The following TPCN1 variants were observed in gnomAD, a reference collection of about 807,000 sequenced individuals.
The protein encoded by TPCN1 is two pore channel protein 1.
TPCN1 carries 52 observed loss-of-function variants against 108.8 expected under a neutral mutation model. The observed-to-expected ratio is 0.48, with a 90% CI of 0.38 to 0.60. The LOEUF (loss-of-function observed/expected upper bound fraction) is 0.60, where lower values mean the gene tolerates loss of function less well. Ranked by LOEUF, TPCN1 falls within the 20% of genes least tolerant of loss-of-function variation. TPCN1 has a pLI of 0.00. For synonymous variants in TPCN1, 446 were observed against 433.7 expected (o/e 1.03, Z -0.35); for missense variants, 806 against 1,072.8 (o/e 0.75, Z 3.47).
Position 113,268,800 on chromosome 12 carries a change from C to T in TPCN1, c.587C>T (p.Ser196Phe), listed in dbSNP as rs1229090817. The change falls in exon 6 of 28, where the codon TCC (serine) becomes TTC (phenylalanine). Residue 196 changes from serine to phenylalanine, a missense_variant. Physicochemically the swap from Ser to Phe is radical, Grantham distance 155. Coordinates refer to ENST00000335509, the MANE Select transcript of TPCN1 (RefSeq NM_017901.6). The surrounding 1 kb of genome is among the most constrained non-coding windows in gnomAD (Gnocchi z 7.3). ...EAIVVLVRQMSHVRVTRALRC... is the reference protein window; with the variant it reads ...EAIVVLVRQMFHVRVTRALRC... ...ATCGTGGTGTTGGTACGGCAGATGT[C>T]CCATGTGCGGGTGACCCGAGCACTG... 6.2e-7 allele frequency: 1 copy of T among 1,614,104 alleles called. No individual in the cohort carries two copies. Among genetic ancestry groups the T allele is most frequent in the Non-Finnish European group, 8.5e-7 (1 of 1,180,010 alleles).
In TPCN1 at chr12:113,288,359, G is replaced by C; in HGVS notation, c.1706+125G>C. 2.0e-6 allele frequency: 3 copies of C among 1,519,146 alleles called. No homozygotes were observed. The highest frequency in any genetic ancestry group is 1.2e-5 in the South Asian group (1 of 82,036). The allele number at this position is 1,519,146 out of a possible 1,614,324, so 94.1% of individuals were successfully genotyped here. On this transcript the variant is annotated intron_variant, in intron 20 of 27. Transcript: ENST00000335509. The surrounding 1 kb of genome is among the most constrained non-coding windows in gnomAD (Gnocchi z 4.8). ...AAAGGACTGCAATCGAGGGCCTGACGGGGCTCCAAGGAGCCTGGAATCTTG... is the reference window on the plus strand; with the variant it reads ...AAAGGACTGCAATCGAGGGCCTGACCGGGCTCCAAGGAGCCTGGAATCTTG...
chr12:113,290,936 T>C lies in TPCN1; in HGVS notation c.1913-16T>C. The C allele has an allele frequency of 6.2e-7, 1 of 1,613,618 alleles. No individual in the cohort carries two copies. The highest frequency in any genetic ancestry group is 2.2e-5 in the East Asian group (1 of 44,880). On this transcript the variant is annotated splice_polypyrimidine_tract_variant and intron_variant, in intron 22 of 27. Coordinates refer to ENST00000335509, the MANE Select transcript of TPCN1 (RefSeq NM_017901.6). ...GGGGTCTCATCAGGATGCTTCTTTCTCTCTTCCCTCGGCAGTGACCCTGTT... is the reference window on the plus strand; with the variant it reads ...GGGGTCTCATCAGGATGCTTCTTTCCCTCTTCCCTCGGCAGTGACCCTGTT...
chr12:113,288,341 T>C lies in TPCN1; in HGVS notation c.1706+107T>C, dbSNP rs753415181. 1.9e-6 allele frequency: 3 copies of C among 1,554,536 alleles called. No individual in the cohort carries two copies. The African/African-American group carries it at 4.1e-5, about 21-fold the overall frequency. On this transcript the variant is annotated intron_variant, in intron 20 of 27. Coordinates refer to ENST00000335509, the MANE Select transcript of TPCN1 (RefSeq NM_017901.6). This position sits in a 1 kb window ranked among gnomAD's most constrained non-coding sequence, Gnocchi z 4.8. ...GGGGGAAAGGAGTTCCACAAAGGAC[T>C]GCAATCGAGGGCCTGACGGGGCTCC...
In TPCN1 at chr12:113,284,935, T is replaced by C. The variant is rs1956015589; in HGVS notation, c.1453+164T>C. Among the ~76,000 whole-genome samples, 1 of 152,232 alleles carries C rather than the reference T, an allele frequency of 6.6e-6. No individual in the cohort carries two copies. The highest frequency in any genetic ancestry group is 2.4e-5 in the African/African-American group (1 of 41,460). ...GTCCCCGTTTAAAACTCTTTCGTGG[T>C]TGTCCGCTGCCCTCTGGATGGAGCC... is the stretch of plus-strand genomic sequence containing the variant. On this transcript the variant is annotated intron_variant, in intron 17 of 27. Transcript: ENST00000335509. The surrounding 1 kb of genome is among the most constrained non-coding windows in gnomAD (Gnocchi z 4.1).
In TPCN1 at chr12:113,276,565, C is replaced by A. The variant is rs191582866; in HGVS notation, c.943-354C>A. Among the ~76,000 whole-genome samples the A allele has an allele frequency of 2.2e-3, 339 of 152,288 alleles. 4 individuals are homozygous for A. The highest frequency in any genetic ancestry group is 0.016 in the Admixed American group (242 of 15,294). ...GGACTGGGCTCAGAATCCAGATGCG[C>A]CCCTCTTGCTACTCTCTCCTCCCCT... On this transcript the variant is annotated intron_variant, in intron 10 of 27. Coordinates refer to ENST00000335509, the MANE Select transcript of TPCN1 (RefSeq NM_017901.6).
chr12:113,261,083 T>C (rs1955013034), intron 3 of TPCN1, among the ~76,000 whole-genome samples: 1 of 151,946 alleles, frequency 6.6e-6, no homozygotes, highest in African/African-American at 2.4e-5. Flanking sequence ...TCCCAGCTAC[T>C]CGGGAGGCTG....
chr12:113,278,929 G>C, intron 14 of TPCN1, 94 bp downstream of exon 14: 2 of 1,078,724 alleles, frequency 1.9e-6, no homozygotes, highest in Admixed American at 3.6e-5. Flanking sequence ...GGTTCAGAGG[G>C]GTGTGTGTGT....
At position 113,231,356 on chromosome 12, in the gene TPCN1, C is replaced by T. The variant is rs1476147913; in HGVS notation, c.112+4392C>T. 6.6e-6 allele frequency among the ~76,000 whole-genome samples: 1 copy of T among 152,224 alleles called. No individual in the cohort carries two copies. Among genetic ancestry groups the T allele is most frequent in the Admixed American group, 6.5e-5 (1 of 15,286 alleles). On this transcript the variant is annotated intron_variant, in intron 2 of 27. Coordinates refer to ENST00000335509, the MANE Select transcript of TPCN1 (RefSeq NM_017901.6). The surrounding 1 kb of genome is among the most constrained non-coding windows in gnomAD (Gnocchi z 4.3). ...TGGCTCGCAAATGGTTATCTTCTTG[C>T]TGTGTCCCCACATGATTGTCCCTGA...
At chr12:113,293,453 G>A in intron 27 of TPCN1, 104 bp downstream of exon 27, 3 of 1,092,322 alleles carry the variant, frequency 2.7e-6, no homozygotes, top group Non-Finnish European at 4.2e-6. Context: ...AAGGCTGGTA[G>A]AGAGATGCAG....
intron 14 of TPCN1, 34 bp downstream of exon 14, chr12:113,278,869 C>G (rs1265618037): frequency 6.2e-7 from 1 of 1,605,834 alleles, no homozygotes; most frequent in East Asian, 2.2e-5. Flanking sequence ...GTGTTGGCAG[C>G]TGGGGGCCGA....
chr12:113,235,518 A>G (rs913306216), intron 2 of TPCN1, among the ~76,000 whole-genome samples: 6 of 152,172 alleles, frequency 3.9e-5, no homozygotes, highest in Non-Finnish European at 7.4e-5. Context: ...AAAAAAAAAA[A>G]AAAGAAAAAA....
At position 113,290,350 on chromosome 12, in the gene TPCN1, T is replaced by C. The variant is rs972057523; in HGVS notation, c.1912+107T>C. On this transcript the variant is annotated intron_variant, in intron 22 of 27. Coordinates refer to ENST00000335509, the MANE Select transcript of TPCN1 (RefSeq NM_017901.6). ...TGTAGCAAGTGTCTGGGCCACACTT[T>C]CTGGAAGCCTCCCTGGCCCAGGTGG... 3.8e-6 allele frequency: 3 copies of C among 785,092 alleles called. No individual in the cohort carries two copies. In the African/African-American group the frequency reaches 5.1e-5, roughly 13 times the overall value. 48.6% of individuals were successfully genotyped at this position (785,092 alleles called of 1,614,324 possible).
At position 113,277,287 on chromosome 12, in the gene TPCN1, C is replaced by T. The variant is rs200616879; in HGVS notation, c.1107C>T (p.Phe369=). ...SYRQFEGLMR[F]YKPRMSARER... is the part of the protein sequence containing the mutation. ...GGCAGTTTGAAGGCCTCATGCGCTT[C>T]TACAAGCCCCGGATGAGTGCCAGGG... The change falls in exon 12 of 28, where the codon TTC becomes TTT. Residue 369 remains phenylalanine, a synonymous_variant. Transcript: ENST00000335509. 75 of 1,614,162 alleles carry T rather than the reference C, an allele frequency of 4.6e-5. 1 individual carries two copies. In the Admixed American group the frequency reaches 1.2e-3, roughly 27 times the overall value.
intron 2 of TPCN1, among the ~76,000 whole-genome samples, chr12:113,242,862 G>A (rs977338976): frequency 3.9e-5 from 6 of 152,088 alleles, no homozygotes; most frequent in Admixed American, 1.3e-4. Flanking sequence ...CAGCCCCCAC[G>A]GAGGGCCCTT....
intron 2 of TPCN1, among the ~76,000 whole-genome samples, chr12:113,227,523 C>G (rs189967180): frequency 3.3e-5 from 5 of 152,238 alleles, no homozygotes; most frequent in Non-Finnish European, 7.4e-5. Context: ...CAAAGTGAAC[C>G]CAAGTGCGGC....
chr12:113,243,993 C>T (rs572710867), intron 2 of TPCN1, among the ~76,000 whole-genome samples: 145 of 152,296 alleles, frequency 9.5e-4, no homozygotes, highest in African/African-American at 3.3e-3. Flanking sequence ...TGATCTGCAC[C>T]CCTCCTGCCT....
chr12:113,225,301 C>T (rs758400455), intron 1 of TPCN1: 1 of 449,644 alleles, frequency 2.2e-6, no homozygotes, highest in South Asian at 1.6e-5. Flanking sequence ...TCAAGCAGTT[C>T]TCCCACCTTG....
intron 14 of TPCN1, among the ~76,000 whole-genome samples, chr12:113,279,359 GTATATATATATATATA>G (rs1186995627): frequency 1.2e-4 from 5 of 41,004 alleles, no homozygotes; most frequent in South Asian, 3.1e-3. Flanking sequence ...GTGTGTGTGT[GTATATATATATATATA>G]TATATATATA....
chr12:113,288,420 C>A lies in TPCN1; in HGVS notation c.1706+186C>A. 6.7e-7 allele frequency: 1 copy of A among 1,482,104 alleles called. No homozygotes were observed. The allele number at this position is 1,482,104 out of a possible 1,614,324, so 91.8% of individuals were successfully genotyped here. A position where few individuals can be genotyped will look rare whatever the true frequency, so the allele number is the denominator to read the frequency against. ...GTCTCCTGGGCACCATTTTTCTCCA[C>A]TGACCTGTCTGACATATTTAGTAGG... On this transcript the variant is annotated intron_variant, in intron 20 of 27. Coordinates refer to ENST00000335509, the MANE Select transcript of TPCN1 (RefSeq NM_017901.6). The surrounding 1 kb of genome is among the most constrained non-coding windows in gnomAD (Gnocchi z 4.8).
Sources: gnomAD v4.1 joint callset for allele counts (sites outside exome capture counted in the v4.1 genomes callset) on GRCh38, gnomAD v4.1.1 for gene constraint, Gnocchi (gnomAD v3.1) non-coding constraint, MANE v1.5 for transcripts, NCBI Gene and HGNC (gene_info 2026-07-23, HGNC 2026-07-21) for gene names.